The following ROBO1 variants were observed in gnomAD, a reference collection of about 807,000 sequenced individuals.
ROBO1 encodes the protein roundabout homolog 1.
A neutral mutation model predicts 195.9 loss-of-function variants in ROBO1; 149 were observed. The observed-to-expected ratio is 0.76, with a 90% CI of 0.67 to 0.87. The LOEUF (loss-of-function observed/expected upper bound fraction) is 0.87, where lower values mean the gene tolerates loss of function less well. Ranked by LOEUF, ROBO1 falls within the 40% of genes least tolerant of loss-of-function variation. The pLI, the probability that ROBO1 is intolerant of heterozygous loss-of-function variation, is 0.00. For missense variants in ROBO1, 1,933 were observed against 2,068.3 expected (o/e 0.93, Z 1.27); for synonymous variants, 816 against 733.2 (o/e 1.11, Z -1.82).
At chr3:78,731,557 A>G (rs1288888154) in intron 5 of ROBO1, among the ~76,000 whole-genome samples, 4 of 152,150 alleles carry the variant, frequency 2.6e-5, no homozygotes, top group African/African-American at 9.7e-5. Flanking sequence ...TTACATAGAA[A>G]GTACACTATC....
intron 4 of ROBO1, among the ~76,000 whole-genome samples, chr3:78,913,369 C>T (rs1053988911): frequency 2.6e-5 from 4 of 152,002 alleles, no homozygotes; most frequent in South Asian, 2.1e-4. Context: ...GAGCAAGGGA[C>T]GTAACAAGAG....
At chr3:78,898,384 T>G (rs1430303265) in intron 4 of ROBO1, among the ~76,000 whole-genome samples, 2 of 131,744 alleles carry the variant, frequency 1.5e-5, no homozygotes, top group Non-Finnish European at 3.3e-5. Context: ...GATAGGGTTT[T>G]TTTTTTTTTT....
intron 2 of ROBO1, among the ~76,000 whole-genome samples, chr3:79,296,050 C>T (rs2109043746): frequency 6.6e-6 from 1 of 152,068 alleles, no homozygotes; most frequent in East Asian, 1.9e-4. Flanking sequence ...GTATGAAATC[C>T]ATATATGCAA....
At chr3:78,851,245 C>CT (rs377531619) in intron 4 of ROBO1, among the ~76,000 whole-genome samples, 27 of 152,254 alleles carry the variant, frequency 1.8e-4, no homozygotes, top group African/African-American at 6.3e-4. Flanking sequence ...CTGGAAAGTC[C>CT]TTTTCTGGTC....
At position 79,496,387 on chromosome 3, in the gene ROBO1, C is replaced by CATTTTTT. The variant is rs145186389; in HGVS notation, c.88+93436_88+93437insAAAAAAT. 8.2e-4 allele frequency among the ~76,000 whole-genome samples: 92 copies of CATTTTTT among 112,538 alleles called. 6 individuals carry two copies. Among genetic ancestry groups the CATTTTTT allele is most frequent in the Middle Eastern group, 4.3e-3 (1 of 232 alleles). 73.8% of individuals were successfully genotyped at this position (112,538 alleles called of 152,430 possible). Reference sequence around the variant, plus strand: ...TTTTGGTATAATGCTGCGCACCCATCTTTTTTTGAGACGGAGTCTCGCTCT... The same window carrying CATTTTTT: ...TTTTGGTATAATGCTGCGCACCCATCATTTTTTTTTTTTTGAGACGGAGTCTCGCTCT... On this transcript the variant is annotated intron_variant, in intron 2 of 30. Transcript: ENST00000464233.
At chr3:79,512,396 A>C (rs1326728964) in intron 2 of ROBO1, among the ~76,000 whole-genome samples, 1 of 152,130 alleles carries the variant, frequency 6.6e-6, no homozygotes, top group Non-Finnish European at 1.5e-5. Flanking sequence ...AGAATAGCTT[A>C]TCTATTTATT....
chr3:78,659,252 T>C (rs1235486640), intron 17 of ROBO1, among the ~76,000 whole-genome samples: 2 of 152,186 alleles, frequency 1.3e-5, no homozygotes. Flanking sequence ...CTTATGGCAG[T>C]CTTTTAAATA....
intron 1 of ROBO1, among the ~76,000 whole-genome samples, chr3:79,673,814 G>C (rs1946702395): frequency 6.6e-6 from 1 of 151,766 alleles, no homozygotes; most frequent in Non-Finnish European, 1.5e-5. Flanking sequence ...GTTACCTTTG[G>C]GGATTGCTGA....
At chr3:78,951,210 T>G (rs2040763416) in intron 3 of ROBO1, among the ~76,000 whole-genome samples, 1 of 151,852 alleles carries the variant, frequency 6.6e-6, no homozygotes, top group African/African-American at 2.4e-5. Context: ...CAGATATCAG[T>G]GATTGCAGTC....
chr3:79,526,957 G>A (rs1941457016), intron 2 of ROBO1, among the ~76,000 whole-genome samples: 1 of 151,876 alleles, frequency 6.6e-6, no homozygotes, highest in Non-Finnish European at 1.5e-5. Context: ...TACAAATTAG[G>A]GTTTATCACT....
intron 2 of ROBO1, among the ~76,000 whole-genome samples, chr3:79,497,148 G>A (rs1442876326): frequency 6.6e-6 from 1 of 152,146 alleles, no homozygotes; most frequent in African/African-American, 2.4e-5. Flanking sequence ...AAATGGCGAT[G>A]CTGCAAGTTT....
At chr3:79,533,222 C>T in intron 2 of ROBO1, 1 of 173,876 alleles carries the variant, frequency 5.8e-6, no homozygotes, top group South Asian at 1.0e-4. Context: ...CTAATGGTTT[C>T]TCCTGGTGAA....
intron 4 of ROBO1, among the ~76,000 whole-genome samples, chr3:78,890,337 A>G (rs974590112): frequency 1.3e-5 from 2 of 151,516 alleles, no homozygotes; most frequent in Admixed American, 6.7e-5. Context: ...ATAATTGGGG[A>G]CAGGGTTAAT....
chr3:79,624,720 A>G (rs922472633), intron 1 of ROBO1, among the ~76,000 whole-genome samples: 1 of 152,178 alleles, frequency 6.6e-6, no homozygotes, highest in African/African-American at 2.4e-5. Context: ...AGACCTATAA[A>G]GAGATTTAGA....
chr3:79,517,936 T>A (rs1198093543), intron 2 of ROBO1, among the ~76,000 whole-genome samples: 1 of 152,090 alleles, frequency 6.6e-6, no homozygotes, highest in Non-Finnish European at 1.5e-5. Context: ...CAGGAAAAAA[T>A]CTGGTATTAT....
intron 3 of ROBO1, among the ~76,000 whole-genome samples, chr3:78,979,393 A>G (rs572657198): frequency 1.3e-5 from 2 of 152,302 alleles, no homozygotes; most frequent in African/African-American, 4.8e-5. Flanking sequence ...TGTTCCATAC[A>G]CTAATAAGGC....
intron 10 of ROBO1, among the ~76,000 whole-genome samples, chr3:78,677,122 C>T (rs1210973103): frequency 2.6e-5 from 4 of 152,112 alleles, no homozygotes; most frequent in Non-Finnish European, 5.9e-5. Flanking sequence ...CAAGCAAATG[C>T]TGAGAGATTT....
At chr3:78,740,983 T>TA (rs1055739619) in intron 5 of ROBO1, among the ~76,000 whole-genome samples, 1 of 152,150 alleles carries the variant, frequency 6.6e-6, no homozygotes, top group Non-Finnish European at 1.5e-5. Context: ...CTCATATAAA[T>TA]ACACAAAAGT....
chr3:79,033,648 CT>C (rs538063745), intron 3 of ROBO1, among the ~76,000 whole-genome samples: 449 of 152,214 alleles, frequency 2.9e-3, no homozygotes, highest in African/African-American at 0.01. Context: ...AAGATACAGA[CT>C]TTATCATTAG....
Sources: gnomAD v4.1 joint callset for allele counts (sites outside exome capture counted in the v4.1 genomes callset) on GRCh38, gnomAD v4.1.1 for gene constraint, MANE v1.5 for transcripts, NCBI Gene and HGNC (gene_info 2026-07-23, HGNC 2026-07-21) for gene names.